ESPNL: variants seen among roughly 807,000 people sequenced by gnomAD.
ESPNL encodes the protein espin like, also known as espin-like protein.
A neutral mutation model predicts 46.8 loss-of-function variants in ESPNL; 49 were observed. The ratio of observed to expected loss-of-function variants is 1.05; its 90% confidence interval spans 0.83 to 1.33. The LOEUF is 1.33. ESPNL is among the 40% of genes most tolerant of loss of function. The probability of loss-of-function intolerance (pLI) is 0.00; values close to 1 mark genes in which losing one functional copy is unlikely to be tolerated. For synonymous variants in ESPNL, 664 were observed against 662.1 expected, an observed-to-expected ratio of 1.00 and a Z score of -0.04; for missense variants, 1,540 against 1,436.6, an observed-to-expected ratio of 1.07 and a Z score of -1.16.
intron 4 of ESPNL, among the ~76,000 whole-genome samples, chr2:238,110,130 G>T: frequency 6.7e-6 from 1 of 150,366 alleles, no homozygotes; most frequent in Non-Finnish European, 1.5e-5. Context: ...ATGTTACCGA[G>T]TGTCCCTTTT....
chr2:238,101,797 A>G (rs1226874106), intron 1 of ESPNL, 144 bp from the exon 2 acceptor site: 2 of 616,360 alleles, frequency 3.2e-6, no homozygotes, highest in African/African-American at 1.9e-5. Context: ...TGTTGCAGGC[A>G]GAAACGGAGG....
chr2:238,125,527 G>C (rs949239952), intron 6 of ESPNL, 143 bp downstream of exon 6: 6 of 465,614 alleles, frequency 1.3e-5, no homozygotes, highest in Non-Finnish European at 1.9e-5. Context: ...GTTGCTTCCA[G>C]GTTTCCTTGA....
intron 4 of ESPNL, among the ~76,000 whole-genome samples, chr2:238,109,150 C>CT (rs1194484126): frequency 6.6e-6 from 1 of 152,198 alleles, no homozygotes; most frequent in African/African-American, 2.4e-5. Flanking sequence ...GCAGGAGGAG[C>CT]TCTGCTGAGT....
intron 5 of ESPNL, among the ~76,000 whole-genome samples, chr2:238,122,075 G>A (rs537035372): frequency 2.6e-5 from 4 of 152,368 alleles, no homozygotes; most frequent in African/African-American, 9.6e-5. Context: ...CAAAAACCAG[G>A]GACAGCGACA....
intron 1 of ESPNL, among the ~76,000 whole-genome samples, chr2:238,101,502 C>T (rs559458800): frequency 6.6e-6 from 1 of 152,282 alleles, no homozygotes; most frequent in Admixed American, 6.5e-5. Flanking sequence ...GTCTGCTGGA[C>T]CCCTGACACC....
At chr2:238,100,967 G>A (rs918066569) in intron 1 of ESPNL, among the ~76,000 whole-genome samples, 1 of 152,234 alleles carries the variant, frequency 6.6e-6, no homozygotes, top group Non-Finnish European at 1.5e-5. Flanking sequence ...GCCAGTGGGG[G>A]TCTTGCCAGA....
Position 238,129,087 on chromosome 2 carries a change from A to G in ESPNL, c.1413+183A>G, listed in dbSNP as rs192385927. 3,944 of 1,425,452 alleles carry G rather than the reference A, an allele frequency of 2.8e-3. 7 individuals are homozygous for G. The highest frequency in any genetic ancestry group is 3.3e-3 in the Non-Finnish European group (3,644 of 1,093,256). 88.3% of individuals were successfully genotyped at this position (1,425,452 alleles called of 1,614,324 possible). A position where few individuals can be genotyped will look rare whatever the true frequency, so the allele number is the denominator to read the frequency against. On this transcript the variant is annotated intron_variant, in intron 8 of 8. Transcript: ENST00000343063. ...TGAACCTGACCAGAGGACTCTGAGCAGAGCCCCTTCACCTGCTCTGGAGGC... is the reference window on the plus strand; with the variant it reads ...TGAACCTGACCAGAGGACTCTGAGCGGAGCCCCTTCACCTGCTCTGGAGGC...
At chr2:238,120,785 G>A (rs1007656317) in intron 5 of ESPNL, among the ~76,000 whole-genome samples, 2 of 152,262 alleles carry the variant, frequency 1.3e-5, no homozygotes, top group African/African-American at 4.8e-5. Flanking sequence ...GGGAGGGCAG[G>A]CTGTCAGCTG....
At position 238,124,696 on chromosome 2, in the gene ESPNL, TGCATGTGTGTGCAGGAGAGTAC is replaced by T. The variant is rs1296083171; in HGVS notation, c.988-572_988-551del. On this transcript the variant is annotated intron_variant, in intron 5 of 8. Coordinates refer to ENST00000343063, the MANE Select transcript of ESPNL (RefSeq NM_194312.4). Reference sequence around the variant, plus strand: ...ATGTGTGTGTGTGCAGGAGAGTACGTGCATGTGTGTGCAGGAGAGTACGTGCATGTGTGCAGGAGAGTACATG... The same window carrying T: ...ATGTGTGTGTGTGCAGGAGAGTACGTGTGCATGTGTGCAGGAGAGTACATG... Among the ~76,000 whole-genome samples the T allele has an allele frequency of 5.5e-4, 55 of 99,846 alleles. 3 individuals are homozygous for T. The South Asian group carries it at 0.015, about 26-fold the overall frequency. 65.5% of individuals were successfully genotyped at this position (99,846 alleles called of 152,430 possible).
chr2:238,107,655 C>T (rs1199689090), intron 3 of ESPNL, 136 bp from the exon 4 acceptor site: 7 of 891,040 alleles, frequency 7.9e-6, no homozygotes, highest in Middle Eastern at 3.3e-4. Flanking sequence ...CAGCCCTGTC[C>T]GGGGTTTCCT....
At chr2:238,108,856 G>A (rs1313580524) in intron 4 of ESPNL, among the ~76,000 whole-genome samples, 4 of 151,598 alleles carry the variant, frequency 2.6e-5, no homozygotes, top group East Asian at 1.9e-4. Flanking sequence ...AATCACACAC[G>A]GTGCAGCCGC....
chr2:238,117,131 G>A, intron 5 of ESPNL, 97 bp downstream of exon 5: 2 of 1,451,338 alleles, frequency 1.4e-6, no homozygotes, highest in Non-Finnish European at 1.8e-6. Context: ...AGTCAGCTGG[G>A]AAGCTCACCA....
rs575449386 is a variant in ESPNL, at chr2:238,104,833, C to T, written c.663C>T (p.Val221=). 1.7e-4 allele frequency: 262 copies of T among 1,513,138 alleles called. 1 individual carries two copies. The South Asian group carries it at 2.9e-3, about 17-fold the overall frequency. The allele number at this position is 1,513,138 out of a possible 1,614,324, so 93.7% of individuals were successfully genotyped here. ...CCGCCCGTGGCCACTACTCCCTCGT[C>T]GTCTGGCTGGTAAGTGGGTGCCAGA... ...AAAARGHYSL[V]VWLVTFTDIG... Residue 221 remains valine (V), a synonymous_variant, in exon 3 of 9, where the codon GTC becomes GTT. Transcript: ENST00000343063.
At chr2:238,120,874 C>T (rs916220087) in intron 5 of ESPNL, among the ~76,000 whole-genome samples, 1 of 152,256 alleles carries the variant, frequency 6.6e-6, no homozygotes, top group African/African-American at 2.4e-5. Context: ...TGGCCGCCTC[C>T]GAGCTGGCCT....
At chr2:238,129,177 T>C (rs1692219683) in intron 8 of ESPNL, 1 of 1,373,400 alleles carries the variant, frequency 7.3e-7, no homozygotes, top group African/African-American at 1.5e-5. Flanking sequence ...CCAAGCGTTG[T>C]TCTAGGCCTT....
rs756371412 is a variant in ESPNL at position 238,100,616 on chromosome 2, G to A, written c.197G>A (p.Arg66Gln). The A allele has an allele frequency of 1.3e-5, 19 of 1,501,352 alleles. No individual in the cohort carries two copies. In the Admixed American group the frequency reaches 1.3e-4, roughly 11 times the overall value. 93.0% of individuals were successfully genotyped at this position (1,501,352 alleles called of 1,614,324 possible). The change falls in exon 1 of 9, where the codon CGG becomes CAG. Residue 66 changes from arginine to glutamine, a missense_variant. Physicochemically the swap from Arg to Gln is conservative, Grantham distance 43. Transcript: ENST00000343063. The part of the protein sequence containing the change: ...VQRAQLPGNQ[R>Q]AHNGATPAHD... ...CGGGCCCAGCTGCCCGGCAACCAGC[G>A]GGCCCACAACGGGGCCACCCCAGCG... is the stretch of plus-strand genomic sequence containing the variant.
At chr2:238,121,638 T>C (rs1574739593) in intron 5 of ESPNL, among the ~76,000 whole-genome samples, 1 of 152,168 alleles carries the variant, frequency 6.6e-6, no homozygotes, top group East Asian at 1.9e-4. Flanking sequence ...GTTCTAGTGA[T>C]CCTCCCGCCT....
chr2:238,117,070 G>T (rs371928121), intron 5 of ESPNL, 36 bp downstream of exon 5: 2 of 1,581,116 alleles, frequency 1.3e-6, no homozygotes, highest in Admixed American at 1.8e-5. Flanking sequence ...CTGGAGGCAT[G>T]GGGGGTGGGC....
At chr2:238,108,712 T>C (rs1691655408) in intron 4 of ESPNL, among the ~76,000 whole-genome samples, 1 of 152,158 alleles carries the variant, frequency 6.6e-6, no homozygotes, top group Non-Finnish European at 1.5e-5. Flanking sequence ...GCAAGGCTAG[T>C]CTGGGGGGAT....
Sources: gnomAD v4.1 joint callset for allele counts (sites outside exome capture counted in the v4.1 genomes callset) on GRCh38, gnomAD v4.1.1 for gene constraint, MANE v1.5 for transcripts, NCBI Gene and HGNC (gene_info 2026-07-23, HGNC 2026-07-21) for gene names.